AIG1: variants seen among roughly 807,000 people sequenced by gnomAD.
The protein encoded by AIG1 is androgen induced 1, also known as androgen-induced gene 1 protein.
A neutral mutation model predicts 31.4 loss-of-function variants in AIG1; 23 were observed. The ratio of observed to expected loss-of-function variants is 0.73; its 90% CI spans 0.53 to 1.04. The LOEUF (loss-of-function observed/expected upper bound fraction) is 1.04. AIG1 is among the 50% of genes least tolerant of loss of function. The probability of loss-of-function intolerance (pLI) is 0.00; values close to 1 mark genes in which losing one functional copy is unlikely to be tolerated. For missense variants in AIG1, 274 were observed against 295.0 expected (o/e 0.93, Z 0.52); for synonymous variants, 100 against 110.5 (o/e 0.90, Z 0.60).
At chr6:143,300,909 C>T (rs1338632758) in intron 4 of AIG1, among the ~76,000 whole-genome samples, 3 of 152,120 alleles carry the variant, frequency 2.0e-5, no homozygotes, top group Non-Finnish European at 4.4e-5. Flanking sequence ...TGGCAATGAT[C>T]CAGCTTCTTA....
rs9496570 is a variant in AIG1, at chr6:143,301,462, A to G, written c.515+17237A>G. 9.3e-3 allele frequency among the ~76,000 whole-genome samples: 1,414 copies of G among 152,270 alleles called. 16 individuals are homozygous for G. The highest frequency in any genetic ancestry group is 0.033 in the African/African-American group (1,360 of 41,548). ...TTACACGTGGTGTTGGGCCATTCTCACGCTGCTATGAAGATATATTCAAGA... is the reference window on the plus strand; with the variant it reads ...TTACACGTGGTGTTGGGCCATTCTCGCGCTGCTATGAAGATATATTCAAGA... On this transcript the variant is annotated intron_variant, in intron 4 of 5. Coordinates refer to ENST00000357847, the MANE Select transcript of AIG1 (RefSeq NM_016108.4).
chr6:143,151,973 G>A (rs1168448499), intron 2 of AIG1, among the ~76,000 whole-genome samples: 1 of 152,220 alleles, frequency 6.6e-6, no homozygotes, highest in Non-Finnish European at 1.5e-5. Flanking sequence ...TACAAAGCTG[G>A]TGATGCATTA....
At chr6:143,321,229 T>C (rs755960047) in intron 4 of AIG1, among the ~76,000 whole-genome samples, 8 of 152,196 alleles carry the variant, frequency 5.3e-5, no homozygotes, top group Non-Finnish European at 1.0e-4. Flanking sequence ...TCAATGGACT[T>C]ATACTTACCT....
chr6:143,267,114 G>T (rs978091542), intron 3 of AIG1, among the ~76,000 whole-genome samples: 17 of 152,104 alleles, frequency 1.1e-4, no homozygotes, highest in African/African-American at 4.1e-4. Flanking sequence ...GGACTTAAAA[G>T]ATTCAAACAT....
rs558003535 is a variant in AIG1, at chr6:143,162,586, A to C, written c.298-2496A>C. On this transcript the variant is annotated intron_variant, in intron 2 of 5. Coordinates refer to ENST00000357847, the MANE Select transcript of AIG1 (RefSeq NM_016108.4). ...AGACCTGTGAATATGATGGGTTGTC[A>C]CTCTCTTGATTAGGTTATGTTATAT... Among the ~76,000 whole-genome samples, 4 of 152,160 alleles carry C rather than the reference A, an allele frequency of 2.6e-5. No homozygotes were observed. In the East Asian group the frequency reaches 5.8e-4, roughly 22 times the overall value.
intron 1 of AIG1, among the ~76,000 whole-genome samples, chr6:143,091,642 C>T (rs1462559604): frequency 1.3e-5 from 2 of 152,098 alleles, no homozygotes; most frequent in African/African-American, 4.8e-5. Flanking sequence ...AGATGCACAT[C>T]AATGAAAGAC....
intron 2 of AIG1, among the ~76,000 whole-genome samples, chr6:143,149,976 C>T (rs975635282): frequency 7.2e-5 from 11 of 152,186 alleles, no homozygotes; most frequent in African/African-American, 2.7e-4. Flanking sequence ...CTGCAAAAAA[C>T]TTTTTGGCAA....
intron 3 of AIG1, among the ~76,000 whole-genome samples, chr6:143,239,359 C>T (rs984814887): frequency 1.3e-5 from 2 of 152,330 alleles, no homozygotes; most frequent in Non-Finnish European, 2.9e-5. Flanking sequence ...AAAACCTTCA[C>T]GACCCACAGA....
At chr6:143,187,966 A>G in intron 3 of AIG1, 2 of 1,201,870 alleles carry the variant, frequency 1.7e-6, no homozygotes, top group Middle Eastern at 3.4e-4. Flanking sequence ...TATTAGTTGC[A>G]TTTTGTAACA....
At chr6:143,222,003 A>C (rs1293124950) in intron 3 of AIG1, among the ~76,000 whole-genome samples, 2 of 152,204 alleles carry the variant, frequency 1.3e-5, no homozygotes. Context: ...TTAGCTCTGC[A>C]CTTTAATAGG....
At chr6:143,209,521 A>G (rs1397867501) in intron 3 of AIG1, among the ~76,000 whole-genome samples, 1 of 152,200 alleles carries the variant, frequency 6.6e-6, no homozygotes, top group African/African-American at 2.4e-5. Context: ...GATGTAAAAA[A>G]AACTTCACTG....
chr6:143,234,347 G>A (rs1252842306), intron 3 of AIG1, among the ~76,000 whole-genome samples: 1 of 152,186 alleles, frequency 6.6e-6, no homozygotes. Context: ...CAATGAGATT[G>A]ACTCCTGTTG....
Position 143,327,696 on chromosome 6 carries a change from TAAA to T in AIG1, c.516-5574_516-5572del, listed in dbSNP as rs34603415. On this transcript the variant is annotated intron_variant, in intron 4 of 5. Coordinates refer to ENST00000357847, the MANE Select transcript of AIG1 (RefSeq NM_016108.4). This position sits in a 1 kb window ranked among gnomAD's most constrained non-coding sequence, Gnocchi z 5.3. ...TACATCAAATAAAGTTATAAAATTG[TAAA>T]AAAAAAAAAAAGATAATGGATTAAC... 8.0e-5 allele frequency: 12 copies of T among 149,912 alleles called. No individual in the cohort carries two copies. The highest frequency in any genetic ancestry group is 3.3e-3 in the Middle Eastern group (1 of 306). The allele number at this position is 149,912 out of a possible 1,614,324, so 9.3% of individuals were successfully genotyped here. A position where few individuals can be genotyped will look rare whatever the true frequency, so the allele number is the denominator to read the frequency against.
chr6:143,217,654 ACC>A (rs1583536843), intron 3 of AIG1, among the ~76,000 whole-genome samples: 2 of 152,128 alleles, frequency 1.3e-5, no homozygotes, highest in Non-Finnish European at 1.5e-5. Context: ...GATTACAGGC[ACC>A]TGCCACCACA....
At chr6:143,207,210 T>G (rs1256784464) in intron 3 of AIG1, among the ~76,000 whole-genome samples, 2 of 152,168 alleles carry the variant, frequency 1.3e-5, no homozygotes, top group Non-Finnish European at 2.9e-5. Context: ...ATTCCATGAG[T>G]GTCTTGCTAA....
chr6:143,250,586 A>G (rs1253157601), intron 3 of AIG1, among the ~76,000 whole-genome samples: 2 of 152,174 alleles, frequency 1.3e-5, no homozygotes, highest in Non-Finnish European at 2.9e-5. Flanking sequence ...ATGCCATCAC[A>G]GGTGTCCTTG....
Position 143,284,005 on chromosome 6 carries a change from A to G in AIG1, c.400-105A>G. On this transcript the variant is annotated intron_variant, in intron 3 of 5. Coordinates refer to ENST00000357847, the MANE Select transcript of AIG1 (RefSeq NM_016108.4). The surrounding 1 kb of genome is among the most constrained non-coding windows in gnomAD (Gnocchi z 4.4). Reference sequence around the variant, plus strand: ...CGAGCCATAGACTTCTTTCTGCCTGACACTTTCCTAGGAATTTATAGTGTG... The same window carrying G: ...CGAGCCATAGACTTCTTTCTGCCTGGCACTTTCCTAGGAATTTATAGTGTG... The G allele has an allele frequency of 1.4e-6, 1 of 737,086 alleles. No homozygotes were observed. The highest frequency in any genetic ancestry group is 1.8e-5 in the African/African-American group (1 of 56,628). The allele number at this position is 737,086 out of a possible 1,614,324, so 45.7% of individuals were successfully genotyped here. A position where few individuals can be genotyped will look rare whatever the true frequency, so the allele number is the denominator to read the frequency against.
At chr6:143,266,848 G>A (rs1294150266) in intron 3 of AIG1, among the ~76,000 whole-genome samples, 1 of 152,204 alleles carries the variant, frequency 6.6e-6, no homozygotes, top group Non-Finnish European at 1.5e-5. Context: ...GGCTGAAGTG[G>A]AAGGATTGCT....
At chr6:143,218,985 T>A (rs1170341280) in intron 3 of AIG1, among the ~76,000 whole-genome samples, 1 of 152,220 alleles carries the variant, frequency 6.6e-6, no homozygotes, top group Non-Finnish European at 1.5e-5. Flanking sequence ...TGAGGAAACC[T>A]CTGTGAACTG....
Sources: allele counts gnomAD v4.1 joint callset (sites outside exome capture counted in the v4.1 genomes callset), GRCh38; gene constraint gnomAD v4.1.1; non-coding constraint Gnocchi (gnomAD v3.1); transcripts MANE v1.5; gene names NCBI Gene and HGNC (gene_info 2026-07-23, HGNC 2026-07-21).